The following L3MBTL4 variants were observed in gnomAD, a reference collection of about 807,000 sequenced individuals.
The protein encoded by L3MBTL4 is L3MBTL histone methyl-lysine binding protein 4.
Under a neutral mutation model 84.5 loss-of-function variants are expected in L3MBTL4, and 70 were observed. That is an observed-to-expected ratio of 0.83 (90% CI 0.68 to 1.01). The LOEUF is 1.01. L3MBTL4 is among the 50% of genes least tolerant of loss of function. The probability of loss-of-function intolerance (pLI) is 0.00; values close to 1 mark genes in which losing one functional copy is unlikely to be tolerated. For synonymous variants in L3MBTL4, 274 were observed against 259.8 expected (o/e 1.05, Z -0.52); for missense variants, 715 against 754.8 (o/e 0.95, Z 0.62).
At chr18:6,357,305 G>A (rs1416253886) in intron 1 of L3MBTL4, among the ~76,000 whole-genome samples, 3 of 152,136 alleles carry the variant, frequency 2.0e-5, no homozygotes, top group Admixed American at 2.0e-4. Context: ...GAGACATTCT[G>A]TGAAATTCCT....
At chr18:6,183,283 C>A (rs186719044) in intron 12 of L3MBTL4, among the ~76,000 whole-genome samples, 2 of 152,286 alleles carry the variant, frequency 1.3e-5, no homozygotes, top group Admixed American at 6.5e-5. Flanking sequence ...AGTGTAAAGA[C>A]AAATGATCTC....
At chr18:6,249,913 C>T (rs560381379) in intron 5 of L3MBTL4, among the ~76,000 whole-genome samples, 2 of 152,310 alleles carry the variant, frequency 1.3e-5, no homozygotes, top group Admixed American at 1.3e-4. Context: ...CTAGGTCACA[C>T]AGCTAGTTTA....
At chr18:6,299,897 C>G (rs890812791) in intron 4 of L3MBTL4, among the ~76,000 whole-genome samples, 1 of 152,088 alleles carries the variant, frequency 6.6e-6, no homozygotes, top group South Asian at 2.1e-4. Context: ...GTCTTGAACT[C>G]CCAAGCTCAA....
intron 16 of L3MBTL4, among the ~76,000 whole-genome samples, chr18:6,017,182 A>T (rs1235091138): frequency 1.3e-5 from 2 of 152,232 alleles, no homozygotes; most frequent in African/African-American, 4.8e-5. Flanking sequence ...TCTCCAGCAG[A>T]GATTGTTTTC....
chr18:6,126,798 A>T (rs2059710736), intron 14 of L3MBTL4, among the ~76,000 whole-genome samples: 1 of 152,230 alleles, frequency 6.6e-6, no homozygotes, highest in African/African-American at 2.4e-5. Context: ...TTGGGTAATT[A>T]ATCATGTCAC....
intron 14 of L3MBTL4, among the ~76,000 whole-genome samples, chr18:6,094,912 G>T (rs1221766261): frequency 2.0e-5 from 3 of 152,132 alleles, no homozygotes; most frequent in Admixed American, 6.5e-5. Flanking sequence ...ACAGAGAGAA[G>T]GGCGCCTTTA....
At chr18:6,055,947 T>C (rs1456898503) in intron 16 of L3MBTL4, among the ~76,000 whole-genome samples, 1 of 152,144 alleles carries the variant, frequency 6.6e-6, no homozygotes, top group Non-Finnish European at 1.5e-5. Context: ...CTGTGAACCA[T>C]AATCTAATCA....
chr18:6,350,566 G>T (rs1261115092), intron 1 of L3MBTL4, among the ~76,000 whole-genome samples: 1 of 150,778 alleles, frequency 6.6e-6, no homozygotes, highest in African/African-American at 2.4e-5. Context: ...AAAAAAAAAC[G>T]GAAAACAAAA....
chr18:6,029,724 A>G, intron 16 of L3MBTL4: 1 of 985,036 alleles, frequency 1.0e-6, no homozygotes, highest in Non-Finnish European at 1.2e-6. Flanking sequence ...GTTAAATCAT[A>G]AATTTATTGC....
At chr18:6,076,616 A>G (rs1275671508) in intron 16 of L3MBTL4, among the ~76,000 whole-genome samples, 1 of 152,180 alleles carries the variant, frequency 6.6e-6, no homozygotes. Context: ...CAATATATCA[A>G]TAAGTGAGGG....
intron 16 of L3MBTL4, chr18:6,031,344 G>T: frequency 2.0e-6 from 2 of 985,430 alleles, no homozygotes; most frequent in Non-Finnish European, 2.4e-6. Flanking sequence ...GAAGATAAAT[G>T]CCTTCCTTCA....
At chr18:6,387,657 G>A (rs995485155) in intron 1 of L3MBTL4, among the ~76,000 whole-genome samples, 8 of 152,112 alleles carry the variant, frequency 5.3e-5, no homozygotes, top group African/African-American at 7.2e-5. Flanking sequence ...GAAAAATACC[G>A]AAGATGTGGT....
chr18:6,278,889 A>T (rs1458264157), intron 4 of L3MBTL4, among the ~76,000 whole-genome samples: 1 of 151,924 alleles, frequency 6.6e-6, no homozygotes, highest in Non-Finnish European at 1.5e-5. Flanking sequence ...CTTCTTCCAC[A>T]TCTTTGGTTT....
intron 4 of L3MBTL4, among the ~76,000 whole-genome samples, chr18:6,299,083 C>T (rs979635399): frequency 2.6e-5 from 4 of 152,176 alleles, no homozygotes; most frequent in Admixed American, 1.3e-4. Context: ...ATTGGCAATA[C>T]TAATTCTAAA....
At chr18:6,019,597 T>C (rs543246619) in intron 16 of L3MBTL4, among the ~76,000 whole-genome samples, 5 of 152,352 alleles carry the variant, frequency 3.3e-5, no homozygotes, top group Admixed American at 1.3e-4. Context: ...CCAGGTTTCA[T>C]ATATGTCACT....
At chr18:6,330,333 A>C (rs1296229210) in intron 1 of L3MBTL4, among the ~76,000 whole-genome samples, 1 of 152,212 alleles carries the variant, frequency 6.6e-6, no homozygotes, top group Non-Finnish European at 1.5e-5. Context: ...CTAGGCTAAA[A>C]ATCAAGGTTT....
chr18:6,263,946 C>T lies in L3MBTL4; in HGVS notation c.219+1G>A. 1 of 1,609,974 alleles carries T rather than the reference C, an allele frequency of 6.2e-7. No individual in the cohort carries two copies. Among genetic ancestry groups the T allele is most frequent in the Non-Finnish European group, 8.5e-7 (1 of 1,176,208 alleles). ...AAAATATAAGTCCTTCAGTGGCTGA[C>T]CTTGGAAAACAGCTCAACAGGTGCT... On this transcript the variant is annotated splice_donor_variant, in intron 5 of 18. Transcript: ENST00000317931. LOFTEE classifies it high-confidence loss of function.
intron 14 of L3MBTL4, among the ~76,000 whole-genome samples, chr18:6,105,767 T>G (rs1355749711): frequency 7.1e-6 from 1 of 141,748 alleles, no homozygotes; most frequent in South Asian, 2.2e-4. Context: ...GCCATTGCAC[T>G]CCAGCATGGG....
At chr18:6,287,612 T>C (rs1287297262) in intron 4 of L3MBTL4, among the ~76,000 whole-genome samples, 1 of 152,166 alleles carries the variant, frequency 6.6e-6, no homozygotes, top group African/African-American at 2.4e-5. Flanking sequence ...ACACCCTCTC[T>C]ACACTAAAAG....
Sources: allele counts gnomAD v4.1 joint callset (sites outside exome capture counted in the v4.1 genomes callset), GRCh38; gene constraint gnomAD v4.1.1; transcripts MANE v1.5; gene names NCBI Gene and HGNC (gene_info 2026-07-23, HGNC 2026-07-21).